Variants in ARL5A observed in about 807,000 individuals in gnomAD.
ARL5A encodes ARF like GTPase 5A, also known as ADP-ribosylation factor-like protein 5A.
A neutral mutation model predicts 25.9 loss-of-function variants in ARL5A; 18 were observed. The observed-to-expected ratio is 0.69, with a 90% CI of 0.48 to 1.03. The LOEUF (loss-of-function observed/expected upper bound fraction) is 1.03. Among genes scored for constraint, ARL5A ranks in the 50% least tolerant of loss-of-function variants. The probability of loss-of-function intolerance (pLI) is 0.00; values close to 1 mark genes in which losing one functional copy is unlikely to be tolerated. For missense variants in ARL5A, 170 were observed against 211.9 expected, an observed-to-expected ratio of 0.80 and a Z score of 1.23; for synonymous variants, 61 against 67.5, an observed-to-expected ratio of 0.90 and a Z score of 0.47.
chr2:151,825,419 C>T (rs114501854), intron 1 of ARL5A, among the ~76,000 whole-genome samples: 296 of 152,230 alleles, frequency 1.9e-3, no homozygotes, highest in African/African-American at 6.8e-3. Context: ...TCCACTTAAG[C>T]CTCAGTTTTC....
At chr2:151,815,247 A>G (rs773259282) in intron 1 of ARL5A, 48 bp from the exon 2 acceptor site, 1 of 1,459,194 alleles carries the variant, frequency 6.9e-7, no homozygotes, top group South Asian at 1.2e-5. Context: ...AAGGAAAAAA[A>G]AAGATTAATT....
intron 2 of ARL5A, 128 bp downstream of exon 2, chr2:151,815,011 A>C (rs563886492): frequency 1.4e-5 from 10 of 714,938 alleles, no homozygotes; most frequent in African/African-American, 3.6e-5. Context: ...CCAGGTTTAT[A>C]GCCAACCTGC....
chr2:151,816,340 T>C (rs1448572690), intron 1 of ARL5A, among the ~76,000 whole-genome samples: 2 of 152,188 alleles, frequency 1.3e-5, no homozygotes, highest in African/African-American at 2.4e-5. Context: ...TGCAGCCTGG[T>C]TGAACCTACA....
intron 2 of ARL5A, among the ~76,000 whole-genome samples, chr2:151,814,621 G>A (rs2099831274): frequency 6.6e-6 from 1 of 151,882 alleles, no homozygotes. Context: ...AGTGGCATGA[G>A]GTTCACTGCA....
chr2:151,828,331 C>A lies in ARL5A; in HGVS notation c.-155G>T, dbSNP rs573913396. Reference sequence around the variant, plus strand: ...CGCTTCCAGGGAACCGGAGGGAGGCCGAAGCCCAGGCCGCCCTGCCGCGCG... The same window carrying A: ...CGCTTCCAGGGAACCGGAGGGAGGCAGAAGCCCAGGCCGCCCTGCCGCGCG... On this transcript the variant is annotated 5_prime_UTR_variant, in exon 1 of 6. Coordinates refer to ENST00000295087, the MANE Select transcript of ARL5A (RefSeq NM_012097.4). 1 of 621,674 alleles carries A rather than the reference C, an allele frequency of 1.6e-6. No individual in the cohort carries two copies. Among genetic ancestry groups the A allele is most frequent in the South Asian group, 2.3e-5 (1 of 43,036 alleles). 38.5% of individuals were successfully genotyped at this position (621,674 alleles called of 1,614,324 possible). A position where few individuals can be genotyped will look rare whatever the true frequency, so the allele number is the denominator to read the frequency against.
At chr2:151,814,487 C>G (rs917367507) in intron 2 of ARL5A, among the ~76,000 whole-genome samples, 171 bp from the exon 3 acceptor site, 3 of 151,966 alleles carry the variant, frequency 2.0e-5, no homozygotes, top group African/African-American at 2.4e-5. Flanking sequence ...GGAACTAGGT[C>G]GTAGGCTATC....
intron 5 of ARL5A, among the ~76,000 whole-genome samples, chr2:151,805,868 A>G (rs2099830038): frequency 6.6e-6 from 1 of 152,186 alleles, no homozygotes; most frequent in Non-Finnish European, 1.5e-5. Flanking sequence ...TATTTTGGAA[A>G]AACAGCAACA....
At chr2:151,807,924 T>C (rs72866485) in intron 4 of ARL5A, among the ~76,000 whole-genome samples, 13,124 of 152,208 alleles carry the variant, frequency 0.086, 752 homozygotes, top group Middle Eastern at 0.16. Context: ...AAATAACTGG[T>C]ATAATGTTTT....
intron 1 of ARL5A, among the ~76,000 whole-genome samples, chr2:151,826,187 A>G (rs746617342): frequency 6.6e-6 from 1 of 152,228 alleles, no homozygotes; most frequent in Non-Finnish European, 1.5e-5. Flanking sequence ...GGATATTCGG[A>G]AAAGTGACCC....
At chr2:151,820,720 A>G (rs1030253531) in intron 1 of ARL5A, among the ~76,000 whole-genome samples, 1 of 148,798 alleles carries the variant, frequency 6.7e-6, no homozygotes, top group Non-Finnish European at 1.5e-5. Context: ...GGAAAATGTT[A>G]ATAGAGAAAA....
intron 4 of ARL5A, among the ~76,000 whole-genome samples, chr2:151,811,005 A>T (rs2099830763): frequency 6.6e-6 from 1 of 152,202 alleles, no homozygotes; most frequent in Non-Finnish European, 1.5e-5. Flanking sequence ...TATTGCTTGT[A>T]TCCCAACTAG....
intron 1 of ARL5A, among the ~76,000 whole-genome samples, chr2:151,824,241 A>C (rs1020139371): frequency 2.0e-5 from 3 of 152,228 alleles, no homozygotes; most frequent in African/African-American, 7.2e-5. Context: ...GATTTTGCCA[A>C]CCTGTAAACT....
rs534529553 is a variant in ARL5A at position 151,809,324 on chromosome 2, C to A, written c.340-2352G>T. 1.2e-3 allele frequency among the ~76,000 whole-genome samples: 176 copies of A among 152,124 alleles called. 1 individual carries two copies. Among genetic ancestry groups the A allele is most frequent in the African/African-American group, 3.8e-3 (158 of 41,514 alleles). ...AATGATGAAATTATTTGTAGAAGCCCCTGAACTGAAAATTGAAAAACACAA... is the reference window on the plus strand; with the variant it reads ...AATGATGAAATTATTTGTAGAAGCCACTGAACTGAAAATTGAAAAACACAA... On this transcript the variant is annotated intron_variant, in intron 4 of 5. Coordinates refer to ENST00000295087, the MANE Select transcript of ARL5A (RefSeq NM_012097.4).
At position 151,803,925 on chromosome 2, in the gene ARL5A, T is replaced by C. The variant is rs562059279; in HGVS notation, c.492-601A>G. ...TTACATACAAAACTGTTCATTAAAG[T>C]ACTTTTAATAGGAAAATAATTTTTG... On this transcript the variant is annotated intron_variant, in intron 5 of 5. Transcript: ENST00000295087. 4.6e-5 allele frequency among the ~76,000 whole-genome samples: 7 copies of C among 152,304 alleles called. No homozygotes were observed. In the South Asian group the frequency reaches 1.4e-3, roughly 32 times the overall value.
intron 2 of ARL5A, among the ~76,000 whole-genome samples, 192 bp from the exon 3 acceptor site, chr2:151,814,508 T>C (rs2099831248): frequency 6.6e-6 from 1 of 152,136 alleles, no homozygotes; most frequent in South Asian, 2.1e-4. Context: ...TGGCATATAC[T>C]AGGTCATTCC....
At chr2:151,819,239 G>C in intron 1 of ARL5A, among the ~76,000 whole-genome samples, 1 of 152,310 alleles carries the variant, frequency 6.6e-6, no homozygotes, top group African/African-American at 2.4e-5. Flanking sequence ...ATCAGCTAAG[G>C]AGGTTAAACA....
At chr2:151,827,000 C>G (rs1297157097) in intron 1 of ARL5A, among the ~76,000 whole-genome samples, 1 of 152,130 alleles carries the variant, frequency 6.6e-6, no homozygotes, top group African/African-American at 2.4e-5. Context: ...TTCCCCTAAG[C>G]TTCTTAAAAG....
Sources: allele counts gnomAD v4.1 joint callset (sites outside exome capture counted in the v4.1 genomes callset), GRCh38; gene constraint gnomAD v4.1.1; transcripts MANE v1.5; gene names NCBI Gene and HGNC (gene_info 2026-07-23, HGNC 2026-07-21).